Variants in IQCE observed in about 807,000 individuals in gnomAD.
IQCE encodes the protein IQ motif containing E, also known as IQ domain-containing protein E.
IQCE carries 115 observed loss-of-function variants against 96.0 expected under a neutral mutation model. The observed-to-expected ratio is 1.20, with a 90% CI of 1.03 to 1.40. IQCE has a LOEUF of 1.40. Ranked by LOEUF, IQCE falls within the 40% of genes most tolerant of loss-of-function variation. The probability of loss-of-function intolerance (pLI) is 0.00; values close to 1 mark genes in which losing one functional copy is unlikely to be tolerated. For missense variants in IQCE, 1,041 were observed against 909.1 expected (o/e 1.15, Z -1.87); for synonymous variants, 412 against 371.2 (o/e 1.11, Z -1.26).
At chr7:2,582,500 G>A (rs1390801044) in intron 8 of IQCE, 80 bp from the exon 9 acceptor site, 2 of 1,163,344 alleles carry the variant, frequency 1.7e-6, no homozygotes, top group East Asian at 4.9e-5. Flanking sequence ...AGGTGTGCCG[G>A]TGCTCTGGCA....
chr7:2,578,529 G>C lies in IQCE; in HGVS notation c.630+3G>C. On this transcript the variant is annotated splice_donor_region_variant and intron_variant, in intron 8 of 21. Coordinates refer to ENST00000402050, the MANE Select transcript of IQCE (RefSeq NM_152558.5). ...AGAAAAGGCCCGATGCCAGTTGGGT[G>C]AGTATGGTGTGTGCAGGACAGAGCC... is the stretch of plus-strand genomic sequence containing the variant. 6.2e-7 allele frequency: 1 copy of C among 1,614,188 alleles called. No individual in the cohort carries two copies.
chr7:2,586,738 C>T (rs1341678393), intron 12 of IQCE, among the ~76,000 whole-genome samples: 1 of 152,158 alleles, frequency 6.6e-6, no homozygotes, highest in Non-Finnish European at 1.5e-5. Flanking sequence ...GAAGGCACCC[C>T]CAAGACGGTG....
At chr7:2,564,358 G>A (rs1300352106) in intron 1 of IQCE, among the ~76,000 whole-genome samples, 1 of 152,134 alleles carries the variant, frequency 6.6e-6, no homozygotes, top group African/African-American at 2.4e-5. Context: ...ACTTTGGGAG[G>A]CTGAGGCGGG....
intron 6 of IQCE, among the ~76,000 whole-genome samples, chr7:2,574,775 C>T: frequency 6.6e-6 from 1 of 152,206 alleles, no homozygotes; most frequent in Admixed American, 6.5e-5. Context: ...CAGTGTTTTC[C>T]CCTCCGTCTT....
chr7:2,596,970 G>A, intron 16 of IQCE: 1 of 471,252 alleles, frequency 2.1e-6, no homozygotes, highest in Non-Finnish European at 4.4e-6. Flanking sequence ...GTTAAGATGT[G>A]CAGACACCCA....
At chr7:2,588,654 GT>G (rs370704456) in intron 13 of IQCE, among the ~76,000 whole-genome samples, 460 of 49,736 alleles carry the variant, frequency 9.2e-3, no homozygotes, top group African/African-American at 0.032. Context: ...TGCCTGGCTG[GT>G]TTTTTTTTTT....
At chr7:2,594,447 C>A (rs552121123) in intron 15 of IQCE, among the ~76,000 whole-genome samples, 39 of 152,244 alleles carry the variant, frequency 2.6e-4, no homozygotes, top group African/African-American at 9.1e-4. Context: ...TTACTAAAAC[C>A]CCAGTGGTCA....
intron 15 of IQCE, among the ~76,000 whole-genome samples, chr7:2,593,645 G>T (rs930790969): frequency 2.0e-5 from 3 of 152,240 alleles, no homozygotes; most frequent in African/African-American, 7.2e-5. Flanking sequence ...AAAAGGCCGC[G>T]TAGCACACGA....
rs536525049 is a variant in IQCE, at chr7:2,586,056, T to C, written c.825-152T>C. ...TTTGCTTATTTAGAGTTCAAAGTTA[T>C]TACTGCCTATTCGATTTCAAATACT... On this transcript the variant is annotated intron_variant, in intron 11 of 21. Coordinates refer to ENST00000402050, the MANE Select transcript of IQCE (RefSeq NM_152558.5). The C allele has an allele frequency of 8.7e-4, 562 of 649,634 alleles. 12 individuals are homozygous for C. The South Asian group carries it at 1.0e-2, about 12-fold the overall frequency. 40.2% of individuals were successfully genotyped at this position (649,634 alleles called of 1,614,324 possible).
chr7:2,591,951 ACAGGCG>A (rs1783623659), intron 14 of IQCE, among the ~76,000 whole-genome samples: 1 of 129,436 alleles, frequency 7.7e-6, no homozygotes, highest in African/African-American at 3.0e-5. Flanking sequence ...TGCTGGGATT[ACAGGCG>A]TGAGCCACCG....
intron 17 of IQCE, among the ~76,000 whole-genome samples, chr7:2,599,637 C>T (rs1392627193): frequency 2.6e-5 from 4 of 152,050 alleles, no homozygotes; most frequent in African/African-American, 7.2e-5. Flanking sequence ...GTTGGGACTA[C>T]AGGCAGGCAC....
chr7:2,608,004 C>T (rs1784952611), intron 21 of IQCE, among the ~76,000 whole-genome samples: 1 of 152,080 alleles, frequency 6.6e-6, no homozygotes, highest in African/African-American at 2.4e-5. Context: ...CCTTAGGTCT[C>T]CAGGGTGGAG....
intron 15 of IQCE, 91 bp downstream of exon 15, chr7:2,593,217 C>T (rs200840482): frequency 4.7e-6 from 7 of 1,485,498 alleles, no homozygotes; most frequent in Middle Eastern, 2.5e-4. Context: ...AGCCTTGCTG[C>T]CAGCCGGCTT....
At chr7:2,597,130 G>A (rs1274024825) in intron 16 of IQCE, 3 of 469,554 alleles carry the variant, frequency 6.4e-6, no homozygotes, top group Middle Eastern at 1.0e-3. Context: ...AGGAGAGGGC[G>A]AGGTGAGGTG....
intron 6 of IQCE, among the ~76,000 whole-genome samples, chr7:2,577,427 C>T (rs1157938961): frequency 8.7e-6 from 1 of 114,860 alleles, no homozygotes; most frequent in East Asian, 2.5e-4. Context: ...GTGTGTGCGG[C>T]GTGCACGCAT....
At chr7:2,607,556 T>G in intron 21 of IQCE, 1 of 1,259,162 alleles carries the variant, frequency 7.9e-7, no homozygotes, top group Non-Finnish European at 1.0e-6. Flanking sequence ...TGTTATTGTT[T>G]CCTTTTCTAC....
At chr7:2,593,922 CAT>C (rs1360210039) in intron 15 of IQCE, among the ~76,000 whole-genome samples, 3 of 152,324 alleles carry the variant, frequency 2.0e-5, no homozygotes, top group Non-Finnish European at 4.4e-5. Flanking sequence ...TCTGAGCAGA[CAT>C]ATTTAGCACT....
intron 21 of IQCE, among the ~76,000 whole-genome samples, chr7:2,609,248 G>C (rs542891484): frequency 9.2e-5 from 14 of 152,098 alleles, no homozygotes; most frequent in Admixed American, 9.2e-4. Context: ...AGCTCACAGC[G>C]ATCCGTGCCT....
chr7:2,603,945 C>G (rs1025460632), intron 18 of IQCE, among the ~76,000 whole-genome samples: 6 of 150,902 alleles, frequency 4.0e-5, no homozygotes, highest in Admixed American at 2.6e-4. Flanking sequence ...AAAATAAGTG[C>G]TTCCCCGAAA....
Sources: gnomAD v4.1 joint callset for allele counts (sites outside exome capture counted in the v4.1 genomes callset) on GRCh38, gnomAD v4.1.1 for gene constraint, MANE v1.5 for transcripts, NCBI Gene and HGNC (gene_info 2026-07-23, HGNC 2026-07-21) for gene names.